NUDT2: variants seen among roughly 807,000 people sequenced by gnomAD.
NUDT2 encodes the protein bis(5'-nucleosyl)-tetraphosphatase [asymmetrical].
NUDT2 carries 12 observed loss-of-function variants against 14.2 expected under a neutral mutation model. The observed-to-expected ratio is 0.84, with a 90% confidence interval of 0.54 to 1.37. The LOEUF (loss-of-function observed/expected upper bound fraction) is 1.37. Among genes scored for constraint, NUDT2 ranks in the 40% most tolerant of loss-of-function variants. The pLI, the probability that NUDT2 is intolerant of heterozygous loss-of-function variation, is 0.00. For synonymous variants in NUDT2, 67 were observed against 67.4 expected, an observed-to-expected ratio of 0.99 and a Z score of 0.03; for missense variants, 167 against 176.7, an observed-to-expected ratio of 0.95 and a Z score of 0.31.
chr9:34,331,284 A>T (rs1837926496), intron 1 of NUDT2, among the ~76,000 whole-genome samples: 1 of 152,232 alleles, frequency 6.6e-6, no homozygotes. Flanking sequence ...CTTTTATGAC[A>T]CACGGGTAAC....
At chr9:34,342,869 A>G (rs1820225755) in intron 4 of NUDT2, among the ~76,000 whole-genome samples, 1 of 151,890 alleles carries the variant, frequency 6.6e-6, no homozygotes, top group Non-Finnish European at 1.5e-5. Context: ...AAATAAATAA[A>G]TAAATAAATA....
chr9:34,341,776 T>C (rs1210790136), intron 4 of NUDT2, among the ~76,000 whole-genome samples: 4 of 152,142 alleles, frequency 2.6e-5, no homozygotes, highest in African/African-American at 9.7e-5. Flanking sequence ...TCCCAGAGTG[T>C]TGGGATTACA....
chr9:34,335,165 CTGAGCTT>C (rs1838059654), intron 1 of NUDT2, among the ~76,000 whole-genome samples: 2 of 152,232 alleles, frequency 1.3e-5, no homozygotes, highest in African/African-American at 4.8e-5. Context: ...ACCTGAGTCA[CTGAGCTT>C]GGGACCAGTG....
intron 4 of NUDT2, among the ~76,000 whole-genome samples, chr9:34,342,095 A>G (rs1466132619): frequency 6.6e-6 from 1 of 152,210 alleles, no homozygotes; most frequent in East Asian, 1.9e-4. Flanking sequence ...CTCCTACAGC[A>G]GTTTCTTGGC....
intron 2 of NUDT2, among the ~76,000 whole-genome samples, chr9:34,337,227 T>C (rs571445795): frequency 1.3e-5 from 2 of 152,266 alleles, no homozygotes; most frequent in East Asian, 3.9e-4. Context: ...CTTGAACTCC[T>C]GACCTCAGGT....
chr9:34,338,830 C>A lies in NUDT2; in HGVS notation c.-34C>A, dbSNP rs988003900. Reference sequence around the variant, plus strand: ...TTGACTGAGGGTAGTTGCCAGGGTCCTGCAGTTATACACAAAGGTCAGTCT... The same window carrying A: ...TTGACTGAGGGTAGTTGCCAGGGTCATGCAGTTATACACAAAGGTCAGTCT... On this transcript the variant is annotated 5_prime_UTR_variant, in exon 3 of 5. In the 5' UTR this introduces an upstream ATG that the reference lacks. Transcript: ENST00000379158. 9.2e-6 allele frequency: 4 copies of A among 436,978 alleles called. No homozygotes were observed. Among genetic ancestry groups the A allele is most frequent in the Non-Finnish European group, 1.3e-5 (3 of 238,294 alleles). The allele number at this position is 436,978 out of a possible 1,614,324, so 27.1% of individuals were successfully genotyped here. A position where few individuals can be genotyped will look rare whatever the true frequency, so the allele number is the denominator to read the frequency against.
chr9:34,337,719 G>A (rs1446766418), intron 2 of NUDT2, among the ~76,000 whole-genome samples: 2 of 152,180 alleles, frequency 1.3e-5, no homozygotes, highest in Non-Finnish European at 2.9e-5. Flanking sequence ...GACTGTGGAG[G>A]ATAGCAGCTC....
chr9:34,335,166 T>A (rs143798604), intron 1 of NUDT2, among the ~76,000 whole-genome samples: 3 of 152,326 alleles, frequency 2.0e-5, no homozygotes, highest in Non-Finnish European at 4.4e-5. Flanking sequence ...CCTGAGTCAC[T>A]GAGCTTGGGA....
chr9:34,343,460 T>C lies in NUDT2; in HGVS notation c.*20T>C, dbSNP rs1255011108. On this transcript the variant is annotated 3_prime_UTR_variant, in exon 5 of 5. Transcript: ENST00000379158. ...GCCTGAGCTGACTGGAGCAGAGTCA[T>C]TTGCTTCAGCAGGATCCTTGTGGGC... The C allele has an allele frequency of 6.5e-7, 1 of 1,542,594 alleles. No individual in the cohort carries two copies. The highest frequency in any genetic ancestry group is 1.3e-5 in the South Asian group (1 of 79,104).
intron 1 of NUDT2, among the ~76,000 whole-genome samples, chr9:34,331,439 A>G (rs1837934162): frequency 6.6e-6 from 1 of 152,214 alleles, no homozygotes; most frequent in Non-Finnish European, 1.5e-5. Context: ...ATCTTGCTCT[A>G]TTAACTTCAA....
chr9:34,340,404 A>C (rs1014625708), intron 4 of NUDT2, among the ~76,000 whole-genome samples: 3 of 112,330 alleles, frequency 2.7e-5, no homozygotes, highest in Non-Finnish European at 4.4e-5. Flanking sequence ...TTCTTAGACC[A>C]GGAGGGGATG....
Position 34,343,321 on chromosome 9 carries a change from C to T in NUDT2, c.325C>T (p.His109Tyr). The part of the protein sequence containing the change: ...KDYDVEIRLS[H>Y]EHQAYRWLGL... ...CTATGACGTGGAGATCCGCCTCTCC[C>T]ATGAGCACCAAGCCTACCGCTGGCT... The change falls in exon 5 of 5, where the codon CAT becomes TAT. Residue 109 changes from histidine to tyrosine, a missense_variant. His to Tyr is a moderately conservative substitution (Grantham distance 83). Coordinates refer to ENST00000379158, the MANE Select transcript of NUDT2 (RefSeq NM_001161.5). The T allele has an allele frequency of 2.5e-6, 4 of 1,613,724 alleles. No individual in the cohort carries two copies. Among genetic ancestry groups the T allele is most frequent in the Non-Finnish European group, 3.4e-6 (4 of 1,179,946 alleles).
chr9:34,342,634 C>T (rs760461652), intron 4 of NUDT2, among the ~76,000 whole-genome samples: 4 of 152,078 alleles, frequency 2.6e-5, no homozygotes, highest in African/African-American at 4.8e-5. Context: ...GCTCAAACCC[C>T]GAGAACTAGA....
intron 1 of NUDT2, among the ~76,000 whole-genome samples, chr9:34,330,264 G>T (rs975128109): frequency 6.6e-6 from 1 of 152,192 alleles, no homozygotes. Context: ...AGTTAGCCAG[G>T]CGTCGTGGCG....
intron 1 of NUDT2, among the ~76,000 whole-genome samples, chr9:34,334,311 T>G (rs1451963809): frequency 6.6e-6 from 1 of 152,228 alleles, no homozygotes; most frequent in Admixed American, 6.5e-5. Flanking sequence ...AAGGTTTTTT[T>G]GTTCAGGTTT....
At chr9:34,330,879 C>T (rs1359254918) in intron 1 of NUDT2, among the ~76,000 whole-genome samples, 5 of 151,164 alleles carry the variant, frequency 3.3e-5, no homozygotes, top group African/African-American at 1.2e-4. Flanking sequence ...GAGAATGGCA[C>T]GAACCCGGGA....
At chr9:34,341,532 C>T (rs974300071) in intron 4 of NUDT2, among the ~76,000 whole-genome samples, 54 of 152,158 alleles carry the variant, frequency 3.5e-4, no homozygotes, top group African/African-American at 4.8e-5. Context: ...TTGTTTGAGA[C>T]GGAGTCTCGC....
intron 1 of NUDT2, among the ~76,000 whole-genome samples, chr9:34,336,027 TA>T: frequency 6.6e-6 from 1 of 152,102 alleles, no homozygotes; most frequent in South Asian, 2.1e-4. Flanking sequence ...TAAGCTTATT[TA>T]GGGGTTCTAA....
rs778315012 is a variant in NUDT2, at chr9:34,339,157, C to T, written c.118C>T (p.Pro40Ser). 4 of 1,613,612 alleles carry T rather than the reference C, an allele frequency of 2.5e-6. No individual in the cohort carries two copies. Among genetic ancestry groups the T allele is most frequent in the South Asian group, 1.1e-5 (1 of 91,060 alleles). ...ATCAGATGGCATTCATCACTGGACT[C>T]CTCCCAAAGGTAGAGGCCAGAGGGG... The part of the protein sequence containing the change: ...QASDGIHHWT[P>S]PKGHVEPGED... Residue 40 changes from proline (P) to serine (S), a missense_variant, in exon 4 of 5, where the codon CCT (proline) becomes TCT (serine). Pro to Ser is a moderately conservative substitution (Grantham distance 74). Coordinates refer to ENST00000379158, the MANE Select transcript of NUDT2 (RefSeq NM_001161.5).
Sources: allele counts gnomAD v4.1 joint callset (sites outside exome capture counted in the v4.1 genomes callset), GRCh38; gene constraint gnomAD v4.1.1; transcripts MANE v1.5; gene names NCBI Gene and HGNC (gene_info 2026-07-23, HGNC 2026-07-21).